Variants in PRDM5 observed in about 807,000 individuals in gnomAD.
PRDM5 encodes PR domain zinc finger protein 5.
Under a neutral mutation model 81.2 loss-of-function variants are expected in PRDM5, and 56 were observed. The observed-to-expected ratio is 0.69, with a 90% CI of 0.56 to 0.86. The LOEUF (loss-of-function observed/expected upper bound fraction) is 0.86, where lower values mean the gene tolerates loss of function less well. Among genes scored for constraint, PRDM5 ranks in the 40% least tolerant of loss-of-function variants. The pLI is 0.00. For synonymous variants in PRDM5, 267 were observed against 256.4 expected (o/e 1.04, Z -0.39); for missense variants, 697 against 770.1 (o/e 0.91, Z 1.12).
chr4:120,705,436 C>T (rs757291357), intron 15 of PRDM5, among the ~76,000 whole-genome samples: 10 of 152,096 alleles, frequency 6.6e-5, no homozygotes, highest in Middle Eastern at 3.2e-3. Context: ...CTGAAAGAAG[C>T]ACATGAGCAG....
At chr4:120,909,363 T>A (rs539221907) in intron 1 of PRDM5, among the ~76,000 whole-genome samples, 5 of 152,254 alleles carry the variant, frequency 3.3e-5, no homozygotes, top group African/African-American at 9.6e-5. Context: ...ACACACTCAA[T>A]ACATTGACTA....
intron 1 of PRDM5, among the ~76,000 whole-genome samples, chr4:120,915,081 A>G (rs1723966574): frequency 2.0e-5 from 3 of 152,154 alleles, no homozygotes. Context: ...CCAAAATCTC[A>G]AACTTCACCA....
At chr4:120,885,134 CA>C (rs60623556) in intron 2 of PRDM5, among the ~76,000 whole-genome samples, 2,442 of 50,658 alleles carry the variant, frequency 0.048, 31 homozygotes, top group African/African-American at 0.14. Context: ...GACTCCGTAT[CA>C]AAAAAAAAAA....
intron 13 of PRDM5, among the ~76,000 whole-genome samples, chr4:120,761,605 G>A (rs1160580797): frequency 1.3e-5 from 2 of 152,126 alleles, no homozygotes; most frequent in East Asian, 1.9e-4. Flanking sequence ...GAATCTTACT[G>A]ATAAAACGAT....
At position 120,821,152 on chromosome 4, in the gene PRDM5, C is replaced by G. The variant is rs765050953; in HGVS notation, c.475+19G>C. On this transcript the variant is annotated intron_variant, in intron 4 of 15. Transcript: ENST00000264808. ...CTACAACTTTTCTTCTCCCAGATCA[C>G]CAATTAAAGATGCAATACCTTTTCT... is the stretch of plus-strand genomic sequence containing the variant. 3.7e-6 allele frequency: 6 copies of G among 1,611,830 alleles called. No homozygotes were observed. In the East Asian group the frequency reaches 1.1e-4, roughly 30 times the overall value.
intron 3 of PRDM5, among the ~76,000 whole-genome samples, chr4:120,823,630 T>G (rs1022516130): frequency 6.6e-6 from 1 of 152,194 alleles, no homozygotes; most frequent in Non-Finnish European, 1.5e-5. Flanking sequence ...CTACAAATCC[T>G]GCAACTCTTC....
intron 15 of PRDM5, among the ~76,000 whole-genome samples, chr4:120,698,137 T>G (rs2148991580): frequency 6.7e-6 from 1 of 150,362 alleles, no homozygotes; most frequent in East Asian, 1.9e-4. Flanking sequence ...AAAAATGCAG[T>G]TAGTTGGGTG....
At chr4:120,739,733 T>C (rs547682183) in intron 14 of PRDM5, among the ~76,000 whole-genome samples, 1 of 151,832 alleles carries the variant, frequency 6.6e-6, no homozygotes, top group East Asian at 1.9e-4. Flanking sequence ...TGATCTAGCA[T>C]GCCTGGACCC....
intron 1 of PRDM5, among the ~76,000 whole-genome samples, chr4:120,913,858 C>T (rs898622868): frequency 3.9e-5 from 6 of 152,196 alleles, no homozygotes; most frequent in Non-Finnish European, 8.8e-5. Flanking sequence ...ATCTTTCCTG[C>T]TCTTGATGCC....
Position 120,785,041 on chromosome 4 carries a change from G to T in PRDM5, c.1239C>A (p.Phe413Leu). The T allele has an allele frequency of 6.2e-7, 1 of 1,611,808 alleles. No individual in the cohort carries two copies. ...GTCTCTGTAAAGAAAATGGGGTCCG[G>T]AACAAAGCTTTACATTCTTCACATT... ...PFQCEECKALFRTPFSLQRHL... is the reference protein window; with the variant it reads ...PFQCEECKALLRTPFSLQRHL... The change falls in exon 11 of 16, where the codon TTC becomes TTA. Residue 413 changes from phenylalanine (F) to leucine (L), a missense_variant. By Grantham distance (22) the Phe-to-Leu change is conservative (BLOSUM62 0). Coordinates refer to ENST00000264808, the MANE Select transcript of PRDM5 (RefSeq NM_018699.4).
At position 120,830,672 on chromosome 4, in the gene PRDM5, G is replaced by C. The variant is rs148596196; in HGVS notation, c.301-9327C>G. ...ACAGATGTATTCAAAACAAAGAACA[G>C]GGCAGGATACACTGATTCATGTTCA... On this transcript the variant is annotated intron_variant, in intron 3 of 15. Coordinates refer to ENST00000264808, the MANE Select transcript of PRDM5 (RefSeq NM_018699.4). Among the ~76,000 whole-genome samples the C allele has an allele frequency of 4.2e-3, 644 of 152,158 alleles. 3 individuals are homozygous for C. Among genetic ancestry groups the C allele is most frequent in the South Asian group, 0.015 (71 of 4,826 alleles).
chr4:120,901,761 A>C (rs1765249636), intron 2 of PRDM5, among the ~76,000 whole-genome samples: 1 of 152,194 alleles, frequency 6.6e-6, no homozygotes, highest in Admixed American at 6.5e-5. Context: ...TTGAAATTTT[A>C]GTTTGTATCT....
chr4:120,910,683 A>C (rs551293197), intron 1 of PRDM5, among the ~76,000 whole-genome samples: 98 of 152,298 alleles, frequency 6.4e-4, no homozygotes, highest in South Asian at 4.1e-3. Context: ...GAATTATATG[A>C]AATTGCCAAT....
chr4:120,856,513 C>G (rs1404854046), intron 2 of PRDM5, among the ~76,000 whole-genome samples: 1 of 152,168 alleles, frequency 6.6e-6, no homozygotes, highest in African/African-American at 2.4e-5. Context: ...CCAGTCTAGT[C>G]TTCAACACTC....
intron 14 of PRDM5, among the ~76,000 whole-genome samples, chr4:120,740,981 T>C (rs1443610817): frequency 6.6e-6 from 1 of 152,228 alleles, no homozygotes; most frequent in Non-Finnish European, 1.5e-5. Flanking sequence ...ACTTTGCTTA[T>C]GCAGTCACAT....
At chr4:120,686,402 C>T (rs985513949) in intron 1 of PRDM5, among the ~76,000 whole-genome samples, 3 of 151,830 alleles carry the variant, frequency 2.0e-5, no homozygotes, top group Admixed American at 2.0e-4. Flanking sequence ...TACATTGTAC[C>T]TTTGTTAAAG....
intron 2 of PRDM5, among the ~76,000 whole-genome samples, chr4:120,905,972 T>A (rs1765751460): frequency 6.6e-6 from 1 of 152,118 alleles, no homozygotes; most frequent in African/African-American, 2.4e-5. Flanking sequence ...TTTAGATCTT[T>A]TTCAATTTCA....
At chr4:120,855,191 C>T (rs1759734872) in intron 2 of PRDM5, among the ~76,000 whole-genome samples, 1 of 152,164 alleles carries the variant, frequency 6.6e-6, no homozygotes, top group Admixed American at 6.5e-5. Flanking sequence ...TCTGCCTGTT[C>T]CTTATATGTG....
chr4:120,780,181 G>A (rs1748835768), intron 12 of PRDM5, among the ~76,000 whole-genome samples: 1 of 152,092 alleles, frequency 6.6e-6, no homozygotes, highest in Non-Finnish European at 1.5e-5. Context: ...CTGCCTGAGT[G>A]CAGTGTCTCA....
Sources: allele counts gnomAD v4.1 joint callset (sites outside exome capture counted in the v4.1 genomes callset), GRCh38; gene constraint gnomAD v4.1.1; transcripts MANE v1.5; gene names NCBI Gene and HGNC (gene_info 2026-07-23, HGNC 2026-07-21).